TBCD: variants seen among roughly 807,000 people sequenced by gnomAD.
TBCD encodes the protein tubulin-specific chaperone D.
Under a neutral mutation model 169.3 loss-of-function variants are expected in TBCD, and 105 were observed. The ratio of observed to expected loss-of-function variants is 0.62; its 90% confidence interval spans 0.53 to 0.73. The LOEUF is 0.73. TBCD is among the 30% of genes least tolerant of loss of function. The probability of loss-of-function intolerance (pLI) is 0.00; values close to 1 mark genes in which losing one functional copy is unlikely to be tolerated. For missense variants in TBCD, 1,444 were observed against 1,600.1 expected (o/e 0.90, Z 1.66); for synonymous variants, 700 against 643.9 (o/e 1.09, Z -1.32).
At position 82,811,493 on chromosome 17, in the gene TBCD, G is replaced by A. The variant is rs558187730; in HGVS notation, c.1223+1711G>A. On this transcript the variant is annotated intron_variant, in intron 12 of 38. Transcript: ENST00000355528. ...CATTTTTGTAGCTAGGTTCTGGGACGGGGTGGCCTTTTTACTCTTGATTTC... is the reference window on the plus strand; with the variant it reads ...CATTTTTGTAGCTAGGTTCTGGGACAGGGTGGCCTTTTTACTCTTGATTTC... 9.0e-4 allele frequency among the ~76,000 whole-genome samples: 137 copies of A among 152,276 alleles called. 1 individual carries two copies. Among genetic ancestry groups the A allele is most frequent in the African/African-American group, 2.6e-3 (108 of 41,556 alleles).
intron 13 of TBCD, among the ~76,000 whole-genome samples, chr17:82,853,452 G>A (rs1254372156): frequency 6.6e-6 from 1 of 151,954 alleles, no homozygotes; most frequent in Non-Finnish European, 1.5e-5. Flanking sequence ...GCCCAGGCTG[G>A]AGTGCAGTGG....
chr17:82,942,227 C>T, intron 38 of TBCD: 1 of 601,152 alleles, frequency 1.7e-6, no homozygotes, highest in Non-Finnish European at 2.9e-6. Flanking sequence ...AGTGAACCTC[C>T]CTTCCCGCTC....
At chr17:82,894,064 C>G (rs1210134606) in intron 17 of TBCD, among the ~76,000 whole-genome samples, 4 of 44,462 alleles carry the variant, frequency 9.0e-5, no homozygotes, top group Admixed American at 1.8e-4. Context: ...ACCGTGAAAT[C>G]TTGGATTAGA....
chr17:82,902,261 G>T (rs1030115102), intron 18 of TBCD, among the ~76,000 whole-genome samples: 1 of 152,202 alleles, frequency 6.6e-6, no homozygotes, highest in African/African-American at 2.4e-5. Context: ...TCTTTGAGGG[G>T]CTGGATAAAC....
intron 7 of TBCD, among the ~76,000 whole-genome samples, chr17:82,783,098 G>A (rs2049063766): frequency 6.7e-6 from 1 of 149,352 alleles, no homozygotes; most frequent in South Asian, 2.1e-4. Context: ...CTGGGTGGAG[G>A]GGGGCTGTGG....
rs78944184 is a variant in TBCD, at chr17:82,824,897, G to A, written c.1318+9963G>A. ...ATTACGAGTGTTTAGTTCTTAAGTC[G>A]GATCATGCATAAATGCAGAAACGTA... On this transcript the variant is annotated intron_variant, in intron 13 of 38. Coordinates refer to ENST00000355528, the MANE Select transcript of TBCD (RefSeq NM_005993.5). 7.2e-5 allele frequency among the ~76,000 whole-genome samples: 11 copies of A among 152,160 alleles called. No homozygotes were observed. The East Asian group carries it at 1.9e-3, about 27-fold the overall frequency.
chr17:82,808,783 G>A (rs1283117280), intron 11 of TBCD, among the ~76,000 whole-genome samples: 1 of 151,134 alleles, frequency 6.6e-6, no homozygotes, highest in Non-Finnish European at 1.5e-5. Context: ...GACGAGGCAG[G>A]TGGAGGGGCT....
chr17:82,859,194 C>T (rs1002977174), intron 13 of TBCD, among the ~76,000 whole-genome samples: 44 of 151,430 alleles, frequency 2.9e-4, no homozygotes, highest in Non-Finnish European at 5.9e-5. Context: ...GGCCTGCCGG[C>T]TCTGTGTCCT....
chr17:82,911,397 G>T (rs1458278424), intron 22 of TBCD, among the ~76,000 whole-genome samples: 1 of 152,204 alleles, frequency 6.6e-6, no homozygotes, highest in Non-Finnish European at 1.5e-5. Flanking sequence ...TGGTAGAACC[G>T]CAGTGCACTG....
chr17:82,867,790 A>T (rs998168352), intron 13 of TBCD, among the ~76,000 whole-genome samples: 7 of 152,208 alleles, frequency 4.6e-5, no homozygotes, highest in African/African-American at 1.7e-4. Flanking sequence ...CATTTACAAG[A>T]AGTGAGAGAT....
chr17:82,836,596 C>G (rs2145364573), intron 13 of TBCD, among the ~76,000 whole-genome samples: 1 of 151,830 alleles, frequency 6.6e-6, no homozygotes. Flanking sequence ...AACACAAGCG[C>G]TCAGAGGAGC....
At chr17:82,860,090 G>T (rs377410642) in intron 13 of TBCD, among the ~76,000 whole-genome samples, 130 of 152,382 alleles carry the variant, frequency 8.5e-4, no homozygotes, top group Middle Eastern at 6.8e-3. Flanking sequence ...TGGGGGCTGG[G>T]AGTCCTAGGC....
chr17:82,898,137 C>G (rs766933572), intron 17 of TBCD, among the ~76,000 whole-genome samples: 2 of 134,476 alleles, frequency 1.5e-5, no homozygotes, highest in African/African-American at 5.8e-5. Flanking sequence ...TTCTGGTTTT[C>G]GTGAGCATTG....
Position 82,809,301 on chromosome 17 carries a change from C to T in TBCD, c.1149-407C>T, listed in dbSNP as rs528723800. Among the ~76,000 whole-genome samples, 293 of 152,212 alleles carry T rather than the reference C, an allele frequency of 1.9e-3. 2 individuals are homozygous for T. Among genetic ancestry groups the T allele is most frequent in the Middle Eastern group, 3.4e-3 (1 of 294 alleles). On this transcript the variant is annotated intron_variant, in intron 11 of 38. Coordinates refer to ENST00000355528, the MANE Select transcript of TBCD (RefSeq NM_005993.5). ...CGGCCTCCATGTGGGGCCGTGAGCC[C>T]ATCACCTGGCCTGATGGGTGCCTGC...
At chr17:82,799,929 G>A (rs187222774) in intron 8 of TBCD, among the ~76,000 whole-genome samples, 37 of 152,288 alleles carry the variant, frequency 2.4e-4, no homozygotes, top group Admixed American at 1.2e-3. Flanking sequence ...CGAGGTCACG[G>A]CACCCACATA....
rs934302599 is a variant in TBCD at position 82,752,167 on chromosome 17, C to T, written c.-27C>T. 16 of 1,498,416 alleles carry T rather than the reference C, an allele frequency of 1.1e-5. No individual in the cohort carries two copies. Among genetic ancestry groups the T allele is most frequent in the Non-Finnish European group, 1.3e-5 (15 of 1,126,956 alleles). The allele number at this position is 1,498,416 out of a possible 1,614,324, so 92.8% of individuals were successfully genotyped here. A position where few individuals can be genotyped will look rare whatever the true frequency, so the allele number is the denominator to read the frequency against. ...GAGTGGGATCTGCGAACACGTGAGGCGGGGGCGCGGTCCCCAGGCTGCCGA... is the reference window on the plus strand; with the variant it reads ...GAGTGGGATCTGCGAACACGTGAGGTGGGGGCGCGGTCCCCAGGCTGCCGA... On this transcript the variant is annotated 5_prime_UTR_variant, in exon 1 of 39. Coordinates refer to ENST00000355528, the MANE Select transcript of TBCD (RefSeq NM_005993.5).
In TBCD at chr17:82,782,205, C is replaced by G. The variant is rs2048992764; in HGVS notation, c.771+484C>G. ...TGCCCTGGCTGCAGCCCTTTGCCAG[C>G]CCTTTCCCTGCCCTTTCGCTCTGAT... On this transcript the variant is annotated intron_variant, in intron 7 of 38. Coordinates refer to ENST00000355528, the MANE Select transcript of TBCD (RefSeq NM_005993.5). The surrounding 1 kb of genome is among the most constrained non-coding windows in gnomAD (Gnocchi z 5.1). 1.3e-5 allele frequency among the ~76,000 whole-genome samples: 2 copies of G among 152,174 alleles called. No homozygotes were observed. The highest frequency in any genetic ancestry group is 2.9e-5 in the Non-Finnish European group (2 of 68,036).
At chr17:82,858,167 G>C (rs545235051) in intron 13 of TBCD, among the ~76,000 whole-genome samples, 106 of 152,218 alleles carry the variant, frequency 7.0e-4, no homozygotes, top group African/African-American at 2.4e-3. Context: ...TCCCGCCTCA[G>C]CCTCCCTAAA....
rs1279164987 is a variant in TBCD at position 82,942,630 on chromosome 17, T to A, written c.*167T>A. 1.2e-6 allele frequency: 1 copy of A among 819,184 alleles called. No individual in the cohort carries two copies. Among genetic ancestry groups the A allele is most frequent in the African/African-American group, 1.7e-5 (1 of 58,070 alleles). 50.7% of individuals were successfully genotyped at this position (819,184 alleles called of 1,614,324 possible). A position where few individuals can be genotyped will look rare whatever the true frequency, so the allele number is the denominator to read the frequency against. On this transcript the variant is annotated 3_prime_UTR_variant, in exon 39 of 39. Transcript: ENST00000355528. ...CAGCTTTTCCTCTCTGCACCTGCGC[T>A]CTGGTGACTTGGGGTGGACGCCTCT...
Sources: allele counts gnomAD v4.1 joint callset (sites outside exome capture counted in the v4.1 genomes callset), GRCh38; gene constraint gnomAD v4.1.1; non-coding constraint Gnocchi (gnomAD v3.1); transcripts MANE v1.5; gene names NCBI Gene and HGNC (gene_info 2026-07-23, HGNC 2026-07-21).